DGKB: variants seen among roughly 807,000 people sequenced by gnomAD.
The protein encoded by DGKB is diacylglycerol kinase beta.
DGKB carries 67 observed loss-of-function variants against 114.3 expected under a neutral mutation model. The ratio of observed to expected loss-of-function variants is 0.59; its 90% CI spans 0.48 to 0.72. The LOEUF (loss-of-function observed/expected upper bound fraction) is 0.72. DGKB is among the 30% of genes least tolerant of loss of function. DGKB has a pLI of 0.00. For synonymous variants in DGKB, 398 were observed against 323.1 expected (o/e 1.23, Z -2.49); for missense variants, 907 against 975.2 (o/e 0.93, Z 0.93).
At chr7:14,546,318 C>G (rs780631329) in intron 20 of DGKB, among the ~76,000 whole-genome samples, 2 of 152,020 alleles carry the variant, frequency 1.3e-5, no homozygotes, top group Non-Finnish European at 2.9e-5. Context: ...TCAAGCAACA[C>G]AGAACTCTCT....
At chr7:14,814,323 C>T (rs1233152614) in intron 2 of DGKB, among the ~76,000 whole-genome samples, 3 of 152,016 alleles carry the variant, frequency 2.0e-5, no homozygotes, top group Non-Finnish European at 2.9e-5. Flanking sequence ...AAACCAGTAC[C>T]AAGAACAGCA....
At chr7:14,888,943 C>G (rs1322378628) in intron 1 of DGKB, among the ~76,000 whole-genome samples, 5 of 151,562 alleles carry the variant, frequency 3.3e-5, no homozygotes, top group Non-Finnish European at 1.5e-5. Flanking sequence ...TAGCTTGCAT[C>G]TGGGTGTTTG....
chr7:14,852,832 C>T (rs1353768234), intron 1 of DGKB, among the ~76,000 whole-genome samples: 2 of 151,988 alleles, frequency 1.3e-5, no homozygotes, highest in Non-Finnish European at 2.9e-5. Flanking sequence ...CTTTATTTTC[C>T]ATCCCCAGCT....
At chr7:14,568,320 G>C (rs766284808) in intron 20 of DGKB, among the ~76,000 whole-genome samples, 4 of 152,156 alleles carry the variant, frequency 2.6e-5, no homozygotes, top group Non-Finnish European at 5.9e-5. Context: ...AATTGGAAAA[G>C]CATTAAAAAG....
intron 2 of DGKB, among the ~76,000 whole-genome samples, chr7:14,787,513 T>C (rs1286445924): frequency 6.6e-6 from 1 of 152,184 alleles, no homozygotes; most frequent in Non-Finnish European, 1.5e-5. Flanking sequence ...GACACATGCA[T>C]TGTTTCACCA....
intron 20 of DGKB, among the ~76,000 whole-genome samples, chr7:14,550,825 A>G (rs1795000927): frequency 6.6e-6 from 1 of 152,206 alleles, no homozygotes; most frequent in Non-Finnish European, 1.5e-5. Flanking sequence ...CTAAAATTAT[A>G]TCACAGTTTC....
intron 18 of DGKB, among the ~76,000 whole-genome samples, chr7:14,581,884 G>T (rs1799985052): frequency 6.6e-6 from 1 of 152,136 alleles, no homozygotes; most frequent in South Asian, 2.1e-4. Flanking sequence ...CTTGAATTCT[G>T]GTTGTCTTCT....
chr7:14,413,601 C>T (rs370899012), intron 21 of DGKB, among the ~76,000 whole-genome samples: 4 of 151,790 alleles, frequency 2.6e-5, no homozygotes, highest in African/African-American at 4.8e-5. Context: ...AAGCCTGAAG[C>T]GGGATAGAGT....
At chr7:14,934,749 CA>C (rs1432207791) in intron 1 of DGKB, among the ~76,000 whole-genome samples, 1 of 152,078 alleles carries the variant, frequency 6.6e-6, no homozygotes, top group Non-Finnish European at 1.5e-5. Flanking sequence ...AGGTGAGAAA[CA>C]AAGTCAAATG....
At position 14,860,310 on chromosome 7, in the gene DGKB, A is replaced by T. The variant is rs1175750435; in HGVS notation, c.-187-18860T>A. Among the ~76,000 whole-genome samples, 7 of 152,210 alleles carry T rather than the reference A, an allele frequency of 4.6e-5. 1 individual carries two copies. The highest frequency in any genetic ancestry group is 4.6e-4 in the Admixed American group (7 of 15,266). On this transcript the variant is annotated intron_variant, in intron 1 of 25. Coordinates refer to ENST00000402815, the MANE Select transcript of DGKB (RefSeq NM_001350709.2). ...GCATTTTCTTACAAAAATTTATTTC[A>T]TTCTTTCTAATTCATCACCTGCCTT...
At chr7:14,962,645 TG>T (rs1414584418) in intron 1 of DGKB, among the ~76,000 whole-genome samples, 2 of 142,428 alleles carry the variant, frequency 1.4e-5, no homozygotes, top group African/African-American at 6.1e-5. Flanking sequence ...TTTGTGTGTG[TG>T]TGTGTGTGTG....
chr7:14,345,560 A>T (rs1812343322), intron 21 of DGKB, among the ~76,000 whole-genome samples, 169 bp from the exon 22 acceptor site: 1 of 151,758 alleles, frequency 6.6e-6, no homozygotes, highest in Non-Finnish European at 1.5e-5. Context: ...GTGGGTGCCA[A>T]ACTGTATGAT....
At chr7:14,290,687 G>A (rs750525438) in intron 23 of DGKB, among the ~76,000 whole-genome samples, 17 of 152,146 alleles carry the variant, frequency 1.1e-4, no homozygotes, top group Non-Finnish European at 2.1e-4. Context: ...TAGGTGAAGA[G>A]TCTCATGCCA....
rs1840651544 is a variant in DGKB at position 14,791,443 on chromosome 7, C to T, written c.71-33712G>A. ...TGTCTTATTGCACTGGCTAGAAATT[C>T]AAGCACTATGTTGAATTGAAAAAGG... On this transcript the variant is annotated intron_variant, in intron 2 of 25. Transcript: ENST00000402815. Among the ~76,000 whole-genome samples, 4 of 152,004 alleles carry T rather than the reference C, an allele frequency of 2.6e-5. No individual in the cohort carries two copies. In the South Asian group the frequency reaches 6.2e-4, roughly 24 times the overall value.
chr7:14,962,883 T>C (rs1358156276), intron 1 of DGKB, among the ~76,000 whole-genome samples: 1 of 152,134 alleles, frequency 6.6e-6, no homozygotes, highest in Non-Finnish European at 1.5e-5. Flanking sequence ...AAAAATGAGC[T>C]TAGGCAAGAT....
chr7:14,514,063 C>A (rs1788391599), intron 20 of DGKB, among the ~76,000 whole-genome samples: 1 of 151,930 alleles, frequency 6.6e-6, no homozygotes, highest in African/African-American at 2.4e-5. Context: ...AAATGTTAAA[C>A]ATCTATAAAA....
At chr7:14,347,931 TAATA>T (rs1012798315) in intron 21 of DGKB, among the ~76,000 whole-genome samples, 2 of 152,060 alleles carry the variant, frequency 1.3e-5, no homozygotes, top group Non-Finnish European at 2.9e-5. Flanking sequence ...AGCTGGGGAA[TAATA>T]AATAGACATT....
chr7:14,454,009 T>C (rs1377505451), intron 21 of DGKB, among the ~76,000 whole-genome samples: 1 of 152,160 alleles, frequency 6.6e-6, no homozygotes, highest in Non-Finnish European at 1.5e-5. Context: ...TTTTGTATTA[T>C]ATCTTATTGA....
At chr7:14,966,501 A>G (rs527989265) in intron 1 of DGKB, among the ~76,000 whole-genome samples, 3 of 151,976 alleles carry the variant, frequency 2.0e-5, no homozygotes, top group South Asian at 2.1e-4. Context: ...GGGTCTCACC[A>G]TGTCGCCCAG....
Sources: gnomAD v4.1 joint callset for allele counts (sites outside exome capture counted in the v4.1 genomes callset) on GRCh38, gnomAD v4.1.1 for gene constraint, MANE v1.5 for transcripts, NCBI Gene and HGNC (gene_info 2026-07-23, HGNC 2026-07-21) for gene names.